TNIK: variants seen among roughly 807,000 people sequenced by gnomAD.
TNIK encodes TRAF2 and NCK interacting kinase.
A neutral mutation model predicts 191.3 loss-of-function variants in TNIK; 49 were observed. The observed-to-expected ratio is 0.26, with a 90% CI of 0.20 to 0.32. The LOEUF is 0.32. Ranked by LOEUF, TNIK falls within the 10% of genes least tolerant of loss-of-function variation. The pLI is 1.00. For missense variants in TNIK, 1,155 were observed against 1,702.3 expected, an observed-to-expected ratio of 0.68 and a Z score of 5.66; for synonymous variants, 594 against 600.9, an observed-to-expected ratio of 0.99 and a Z score of 0.17.
intron 23 of TNIK, among the ~76,000 whole-genome samples, chr3:171,089,830 C>T (rs1409346625): frequency 6.6e-6 from 1 of 152,204 alleles, no homozygotes; most frequent in Non-Finnish European, 1.5e-5. Flanking sequence ...ATGCCAAGTA[C>T]TGTGCTAAAC....
At chr3:171,104,009 A>T (rs1316260488) in intron 21 of TNIK, among the ~76,000 whole-genome samples, 1 of 152,068 alleles carries the variant, frequency 6.6e-6, no homozygotes, top group Admixed American at 6.6e-5. Context: ...TTTAATTAGA[A>T]TTTTTTGCTT....
chr3:171,316,281 C>A (rs535742408), intron 2 of TNIK, among the ~76,000 whole-genome samples: 3 of 151,878 alleles, frequency 2.0e-5, no homozygotes, highest in South Asian at 4.2e-4. Flanking sequence ...GAGTGAATTA[C>A]CTAGATACAA....
intron 2 of TNIK, among the ~76,000 whole-genome samples, chr3:171,289,956 T>C (rs2108231280): frequency 6.6e-6 from 1 of 151,066 alleles, no homozygotes; most frequent in South Asian, 2.1e-4. Flanking sequence ...GGTCTGAGCC[T>C]AGGCTATGGT....
intron 26 of TNIK, 118 bp from the exon 27 acceptor site, chr3:171,082,512 G>A (rs1455063468): frequency 2.6e-6 from 3 of 1,149,910 alleles, no homozygotes; most frequent in Non-Finnish European, 2.4e-6. Context: ...TGGGCAAGTA[G>A]GTAAATATAA....
chr3:171,104,419 T>C (rs978870998), intron 21 of TNIK, among the ~76,000 whole-genome samples: 1 of 152,090 alleles, frequency 6.6e-6, no homozygotes, highest in South Asian at 2.1e-4. Context: ...TAAAAAGTAT[T>C]TAAAAAACAA....
chr3:171,264,111 C>CAT (rs1167898609), intron 2 of TNIK, among the ~76,000 whole-genome samples: 4,105 of 60,598 alleles, frequency 0.068, 120 homozygotes, highest in Admixed American at 0.1. Context: ...CACACACACA[C>CAT]ATATATATAT....
intron 28 of TNIK, among the ~76,000 whole-genome samples, chr3:171,075,793 GT>G (rs1719833792): frequency 6.6e-6 from 1 of 150,882 alleles, no homozygotes; most frequent in Non-Finnish European, 1.5e-5. Flanking sequence ...CTGGAGTGCA[GT>G]GGCACCATCT....
chr3:171,108,295 C>A, intron 19 of TNIK, 133 bp from the exon 20 acceptor site: 1 of 608,970 alleles, frequency 1.6e-6, no homozygotes, highest in Non-Finnish European at 2.6e-6. Context: ...CTGGGCAAAT[C>A]CTCAAGAAAC....
intron 15 of TNIK, among the ~76,000 whole-genome samples, chr3:171,137,108 C>CTT (rs71176593): frequency 0.033 from 3,424 of 103,856 alleles, 73 homozygotes; most frequent in South Asian, 0.049. Flanking sequence ...TTTAAAAATC[C>CTT]TTTTTTTTTT....
chr3:171,307,666 T>A (rs1753596004), intron 2 of TNIK, among the ~76,000 whole-genome samples: 1 of 152,112 alleles, frequency 6.6e-6, no homozygotes, highest in Non-Finnish European at 1.5e-5. Context: ...GAACTGACAG[T>A]TGACTAAATG....
At chr3:171,316,777 A>G (rs920236167) in intron 2 of TNIK, among the ~76,000 whole-genome samples, 2 of 151,976 alleles carry the variant, frequency 1.3e-5, no homozygotes, top group Non-Finnish European at 2.9e-5. Context: ...TCCTGCCTGA[A>G]TGATAGTTCT....
intron 1 of TNIK, among the ~76,000 whole-genome samples, chr3:171,414,555 C>T (rs1722814250): frequency 6.6e-6 from 1 of 152,140 alleles, no homozygotes; most frequent in Non-Finnish European, 1.5e-5. Flanking sequence ...ATCAGATAAC[C>T]AGGGGGTTTA....
At chr3:171,219,362 A>G (rs1306912564) in intron 3 of TNIK, among the ~76,000 whole-genome samples, 3 of 146,734 alleles carry the variant, frequency 2.0e-5, no homozygotes, top group South Asian at 2.1e-4. Context: ...AATGATGTGT[A>G]TATATATATA....
intron 4 of TNIK, among the ~76,000 whole-genome samples, chr3:171,196,706 T>G (rs1198036734): frequency 6.6e-6 from 1 of 152,218 alleles, no homozygotes; most frequent in Non-Finnish European, 1.5e-5. Context: ...ATACACATTT[T>G]GAGATAATTA....
chr3:171,260,880 G>A (rs572480430), intron 2 of TNIK, among the ~76,000 whole-genome samples: 42 of 152,236 alleles, frequency 2.8e-4, no homozygotes, highest in Middle Eastern at 3.4e-3. Flanking sequence ...CTATTCCTAA[G>A]TAACTTCTCA....
intron 9 of TNIK, among the ~76,000 whole-genome samples, chr3:171,171,406 G>A (rs1383837614): frequency 6.6e-6 from 1 of 152,090 alleles, no homozygotes; most frequent in East Asian, 1.9e-4. Context: ...AGCAAAAGCA[G>A]GAGGCTGGGT....
intron 8 of TNIK, 91 bp downstream of exon 8, chr3:171,177,235 G>A: frequency 7.3e-7 from 1 of 1,375,106 alleles, no homozygotes; most frequent in South Asian, 1.3e-5. Context: ...TCGGTGTAGT[G>A]GAAGTAAAGC....
chr3:171,242,919 A>G (rs1745157175), intron 2 of TNIK, among the ~76,000 whole-genome samples: 1 of 152,214 alleles, frequency 6.6e-6, no homozygotes, highest in African/African-American at 2.4e-5. Context: ...TCTTTTTGAG[A>G]AGAATACATT....
At position 171,161,277 on chromosome 3, in the gene TNIK, C is replaced by T. The variant is rs1733950825; in HGVS notation, c.1009G>A (p.Glu337Lys). The T allele has an allele frequency of 6.2e-7, 1 of 1,613,256 alleles. No individual in the cohort carries two copies. Among genetic ancestry groups the T allele is most frequent in the Non-Finnish European group, 8.5e-7 (1 of 1,179,456 alleles). ...TGGCTTTTGCTCTCATACCTGGGCTCTCCTGAGTCATTCTCCTCCTCTTCT... is the reference window on the plus strand; with the variant it reads ...TGGCTTTTGCTCTCATACCTGGGCTTTCCTGAGTCATTCTCCTCCTCTTCT... ...EEEEEENDSGEPSSILNLPGE... is the reference protein window; with the variant it reads ...EEEEEENDSGKPSSILNLPGE... The change falls in exon 11 of 33, where the codon GAG becomes AAG. Residue 337 changes from glutamate to lysine, a missense_variant. Coordinates refer to ENST00000436636, the MANE Select transcript of TNIK (RefSeq NM_015028.4).
Sources: allele counts gnomAD v4.1 joint callset (sites outside exome capture counted in the v4.1 genomes callset), GRCh38; gene constraint gnomAD v4.1.1; transcripts MANE v1.5; gene names NCBI Gene and HGNC (gene_info 2026-07-23, HGNC 2026-07-21).